Variants in THSD7B observed in about 807,000 individuals in gnomAD.
THSD7B encodes the protein thrombospondin type-1 domain-containing protein 7B.
In THSD7B, 138 loss-of-function variants were observed where a neutral mutation model predicts 213.6. That is an observed-to-expected ratio of 0.65 (90% CI 0.56 to 0.74). The LOEUF (loss-of-function observed/expected upper bound fraction) is 0.74. Ranked by LOEUF, THSD7B falls within the 30% of genes least tolerant of loss-of-function variation. The pLI is 0.00. For synonymous variants in THSD7B, 742 were observed against 687.0 expected (o/e 1.08, Z -1.25); for missense variants, 1,931 against 1,991.5 (o/e 0.97, Z 0.58).
chr2:137,220,122 T>A (rs866764982), intron 7 of THSD7B, among the ~76,000 whole-genome samples: 1 of 152,160 alleles, frequency 6.6e-6, no homozygotes, highest in Non-Finnish European at 1.5e-5. Context: ...TGTTCCTTCC[T>A]GAAAATTTGT....
At chr2:137,065,208 T>C (rs778331049) in intron 3 of THSD7B, among the ~76,000 whole-genome samples, 4 of 152,040 alleles carry the variant, frequency 2.6e-5, no homozygotes, top group Non-Finnish European at 4.4e-5. Context: ...TGTTTTATAG[T>C]TTTCATTGTA....
chr2:136,893,144 A>G (rs1227167265), intron 2 of THSD7B, among the ~76,000 whole-genome samples: 2 of 152,192 alleles, frequency 1.3e-5, no homozygotes, highest in Non-Finnish European at 2.9e-5. Flanking sequence ...ATATAATAGC[A>G]TGTTGAACTG....
In THSD7B at chr2:137,663,379, G is replaced by A. The variant is rs750661110; in HGVS notation, c.4459-4G>A. ...TAACCATAAAAATATTCTTTATGCTGTAGGGTGGAGTCTGTGGTTGTGAGA... is the reference window on the plus strand; with the variant it reads ...TAACCATAAAAATATTCTTTATGCTATAGGGTGGAGTCTGTGGTTGTGAGA... On this transcript the variant is annotated splice_polypyrimidine_tract_variant and splice_region_variant and intron_variant, in intron 25 of 27. Coordinates refer to ENST00000409968, the MANE Select transcript of THSD7B (RefSeq NM_001316349.2). 7 of 1,561,266 alleles carry A rather than the reference G, an allele frequency of 4.5e-6. No individual in the cohort carries two copies. The highest frequency in any genetic ancestry group is 6.1e-6 in the Non-Finnish European group (7 of 1,153,696).
chr2:136,936,854 C>A (rs1210468199), intron 2 of THSD7B, among the ~76,000 whole-genome samples: 1 of 152,026 alleles, frequency 6.6e-6, no homozygotes, highest in Non-Finnish European at 1.5e-5. Context: ...GATAACATTT[C>A]TCCTTTCCCT....
chr2:137,179,232 C>A (rs1455107024), intron 7 of THSD7B, among the ~76,000 whole-genome samples: 1 of 152,094 alleles, frequency 6.6e-6, no homozygotes, highest in Non-Finnish European at 1.5e-5. Context: ...CAGACATGTC[C>A]TAAGTTTTTC....
chr2:137,237,037 G>A (rs78457234), intron 9 of THSD7B, among the ~76,000 whole-genome samples: 79,251 of 150,632 alleles, frequency 0.53, 22,296 homozygotes, highest in South Asian at 0.72. Context: ...CTTGAACCTG[G>A]GAGGCAGAGC....
At chr2:137,542,614 C>T (rs1413498187) in intron 15 of THSD7B, among the ~76,000 whole-genome samples, 1 of 151,698 alleles carries the variant, frequency 6.6e-6, no homozygotes, top group East Asian at 1.9e-4. Flanking sequence ...GCACATGGAG[C>T]ATTCTCCAGG....
In THSD7B at chr2:137,004,790, C is replaced by T. The variant is rs573350790; in HGVS notation, c.140-51630C>T. On this transcript the variant is annotated intron_variant, in intron 2 of 27. Transcript: ENST00000409968. The stretch of plus-strand genomic sequence containing the variant: ...AATATTTACTCTTAACAATCTGTGG[C>T]CTTCATTTTGTTAGGTTTGTAGTGC... Among the ~76,000 whole-genome samples, 7 of 152,070 alleles carry T rather than the reference C, an allele frequency of 4.6e-5. No individual in the cohort carries two copies. The East Asian group carries it at 1.3e-3, about 29-fold the overall frequency.
intron 7 of THSD7B, among the ~76,000 whole-genome samples, chr2:137,195,222 A>G (rs948693423): frequency 2.7e-5 from 4 of 149,680 alleles, no homozygotes; most frequent in Admixed American, 6.7e-5. Flanking sequence ...ATTTGTATGT[A>G]TATGTATGTG....
intron 14 of THSD7B, among the ~76,000 whole-genome samples, chr2:137,448,715 C>T (rs893909726): frequency 2.6e-5 from 4 of 152,182 alleles, no homozygotes; most frequent in South Asian, 2.1e-4. Context: ...CGGAGAATGG[C>T]GTGAACCCGG....
Position 137,027,586 on chromosome 2 carries a change from T to G in THSD7B, c.140-28834T>G, listed in dbSNP as rs181115642. On this transcript the variant is annotated intron_variant, in intron 2 of 27. Transcript: ENST00000409968. ...GCTTCCCAGTAACAAACATGTGCTA[T>G]GAAAGAGGAAATAAAGGTTTTGGTG... 5.2e-4 allele frequency among the ~76,000 whole-genome samples: 79 copies of G among 152,286 alleles called. 1 individual carries two copies. The highest frequency in any genetic ancestry group is 3.4e-3 in the Middle Eastern group (1 of 294).
chr2:137,546,042 G>GA (rs991542005), intron 15 of THSD7B, among the ~76,000 whole-genome samples: 4 of 149,876 alleles, frequency 2.7e-5, no homozygotes, highest in African/African-American at 4.9e-5. Context: ...TCTGTACTGA[G>GA]AAAAAAAACA....
chr2:136,825,718 A>ATTTTTTTTTTTTTTGTTTT (rs759978910), intron 1 of THSD7B, among the ~76,000 whole-genome samples: 1 of 116,896 alleles, frequency 8.6e-6, no homozygotes, highest in Non-Finnish European at 1.7e-5. Context: ...TGCCTGGCTA[A>ATTTTTTTTTTTTTTGTTTT]TTTTTTTTTT....
chr2:136,985,627 A>G (rs1255326677), intron 2 of THSD7B, among the ~76,000 whole-genome samples: 3 of 152,220 alleles, frequency 2.0e-5, no homozygotes, highest in African/African-American at 4.8e-5. Context: ...CCTCATAGAG[A>G]ACTTCTACTA....
At chr2:137,616,374 T>G in intron 18 of THSD7B, 58 bp downstream of exon 18, 2 of 1,513,204 alleles carry the variant, frequency 1.3e-6, no homozygotes, top group Non-Finnish European at 1.8e-6. Flanking sequence ...ATGAGAGAAT[T>G]TTTGCGTGGG....
At chr2:137,158,673 T>C (rs1056237849) in intron 5 of THSD7B, among the ~76,000 whole-genome samples, 1 of 152,204 alleles carries the variant, frequency 6.6e-6, no homozygotes, top group African/African-American at 2.4e-5. Flanking sequence ...GATGGTATTT[T>C]TTTATTTTGC....
rs537821817 is a variant in THSD7B, at chr2:136,897,618, AGGTTGCCGCTGCG to A, written c.139+15304_139+15316del. Among the ~76,000 whole-genome samples the A allele has an allele frequency of 2.2e-4, 33 of 152,338 alleles. 1 individual carries two copies. The highest frequency in any genetic ancestry group is 7.9e-4 in the African/African-American group (33 of 41,578). ...CCACAGTGTGGAAGGGGACCCAAGC[AGGTTGCCGCTGCG>A]GGCTCAGGTGGCCAGCTTTTATTCC... On this transcript the variant is annotated intron_variant, in intron 2 of 27. Transcript: ENST00000409968.
chr2:137,350,113 A>G (rs13395172), intron 12 of THSD7B, among the ~76,000 whole-genome samples: 35,967 of 151,726 alleles, frequency 0.24, 4,811 homozygotes, highest in South Asian at 0.31. Flanking sequence ...GGAATACAGC[A>G]GAAGATACAT....
chr2:137,097,221 C>A (rs1284321327), intron 4 of THSD7B, among the ~76,000 whole-genome samples: 1 of 151,732 alleles, frequency 6.6e-6, no homozygotes, highest in Non-Finnish European at 1.5e-5. Context: ...ATAGGCAATC[C>A]TCCATTTTCT....
Sources: allele counts gnomAD v4.1 joint callset (sites outside exome capture counted in the v4.1 genomes callset), GRCh38; gene constraint gnomAD v4.1.1; transcripts MANE v1.5; gene names NCBI Gene and HGNC (gene_info 2026-07-23, HGNC 2026-07-21).